The following LMLN variants were observed in gnomAD, a reference collection of about 807,000 sequenced individuals.
The protein encoded by LMLN is leishmanolysin like peptidase.
In LMLN, 70 loss-of-function variants were observed where a neutral mutation model predicts 92.3. The observed-to-expected ratio is 0.76, with a 90% CI of 0.63 to 0.92. LMLN has a LOEUF of 0.92. Among genes scored for constraint, LMLN ranks in the 40% least tolerant of loss-of-function variants. The pLI is 0.00. For synonymous variants in LMLN, 308 were observed against 296.2 expected, an observed-to-expected ratio of 1.04 and a Z score of -0.41; for missense variants, 691 against 814.6, an observed-to-expected ratio of 0.85 and a Z score of 1.85.
At chr3:197,999,149 A>G in intron 10 of LMLN, 117 bp from the exon 11 acceptor site, 1 of 720,224 alleles carries the variant, frequency 1.4e-6, no homozygotes, top group Non-Finnish European at 2.4e-6. Context: ...TTTTAAGTGA[A>G]TGTCTTGTCA....
intron 4 of LMLN, 174 bp from the exon 5 acceptor site, chr3:197,976,418 AAAACCC>A: frequency 1.9e-6 from 1 of 531,032 alleles, no homozygotes; most frequent in Non-Finnish European, 3.4e-6. Context: ...TGGGTGTTTA[AAAACCC>A]AAATCAAGAG....
At chr3:197,979,583 C>A (rs151130725) in intron 5 of LMLN, among the ~76,000 whole-genome samples, 144 of 152,032 alleles carry the variant, frequency 9.5e-4, no homozygotes, top group Admixed American at 1.4e-3. Flanking sequence ...TTTGGGAGGC[C>A]GAGACAGGCC....
intron 1 of LMLN, among the ~76,000 whole-genome samples, chr3:197,962,689 C>A (rs1190303933): frequency 6.6e-6 from 1 of 151,656 alleles, no homozygotes; most frequent in Non-Finnish European, 1.5e-5. Context: ...CTCCTGTGTT[C>A]TAGAAGCCTT....
intron 10 of LMLN, among the ~76,000 whole-genome samples, chr3:197,997,552 T>C (rs1327433799): frequency 6.6e-6 from 1 of 152,256 alleles, no homozygotes; most frequent in Non-Finnish European, 1.5e-5. Context: ...GTGAGAACCA[T>C]ACAGTAAACA....
chr3:198,002,997 G>T lies in LMLN; in HGVS notation c.1232+3655G>T. The T allele has an allele frequency of 1.4e-6, 2 of 1,464,000 alleles. No homozygotes were observed. The highest frequency in any genetic ancestry group is 1.9e-6 in the Non-Finnish European group (2 of 1,072,310). The allele number at this position is 1,464,000 out of a possible 1,614,324, so 90.7% of individuals were successfully genotyped here. On this transcript the variant is annotated intron_variant, in intron 11 of 15. Coordinates refer to ENST00000330198, the Ensembl canonical transcript of LMLN. ...AAAGGACAGCAGTAAAAATTGCTTT[G>T]TTTGAATTATTCCACAGCTGGTATA...
exon 16 of LMLN, chr3:198,040,058 G>T (rs1723357016): frequency 6.6e-6 from 1 of 152,184 alleles, no homozygotes; most frequent in Non-Finnish European, 1.5e-5. Flanking sequence ...AAGATAAAAA[G>T]AAATTCTGGT....
chr3:198,020,577 A>C (rs907184244), intron 12 of LMLN, among the ~76,000 whole-genome samples: 6 of 151,972 alleles, frequency 3.9e-5, no homozygotes, highest in Admixed American at 1.3e-4. Context: ...GTGTGAAAAC[A>C]CATACAATTA....
At chr3:198,014,444 C>G in intron 11 of LMLN, among the ~76,000 whole-genome samples, 1 of 131,118 alleles carries the variant, frequency 7.6e-6, no homozygotes, top group Non-Finnish European at 1.6e-5. Context: ...AGCCCCCTAA[C>G]TAGTCTGACT....
chr3:197,965,344 A>G (rs985745305), intron 1 of LMLN, among the ~76,000 whole-genome samples: 1 of 151,824 alleles, frequency 6.6e-6, no homozygotes, highest in Non-Finnish European at 1.5e-5. Context: ...ATGGTTTAGA[A>G]TATGATCTAT....
intron 1 of LMLN, among the ~76,000 whole-genome samples, chr3:197,965,138 A>G (rs563061185): frequency 6.6e-6 from 1 of 152,028 alleles, no homozygotes; most frequent in South Asian, 2.1e-4. Context: ...CCTCAACCTT[A>G]TGAGGAGCTA....
At chr3:197,996,204 A>G in exon 10 of LMLN, 1 of 1,584,086 alleles carries the variant, frequency 6.3e-7, no homozygotes, top group South Asian at 1.2e-5. Context: ...TTGATTGTCC[A>G]GTTCTAGAGG....
chr3:197,998,747 A>T (rs1722093776), intron 10 of LMLN, among the ~76,000 whole-genome samples: 1 of 152,322 alleles, frequency 6.6e-6, no homozygotes, highest in Non-Finnish European at 1.5e-5. Context: ...AATATTGGGT[A>T]GATGGTAGAG....
exon 1 of LMLN, chr3:197,960,317 C>T: frequency 1.2e-6 from 2 of 1,613,792 alleles, no homozygotes; most frequent in Non-Finnish European, 1.7e-6. Flanking sequence ...GGCGCTGGAG[C>T]GGGTCTGTGT....
intron 10 of LMLN, 60 bp downstream of exon 10, chr3:197,996,342 T>G (rs1722017729): frequency 1.8e-6 from 2 of 1,120,678 alleles, no homozygotes; most frequent in Admixed American, 2.2e-5. Context: ...ATAATTATGG[T>G]AAAACTTATT....
At position 197,976,017 on chromosome 3, in the gene LMLN, A is replaced by G; in HGVS notation, c.349-12A>G. 6.7e-7 allele frequency: 1 copy of G among 1,493,104 alleles called. No individual in the cohort carries two copies. The highest frequency in any genetic ancestry group is 9.2e-7 in the Non-Finnish European group (1 of 1,092,468). The allele number at this position is 1,493,104 out of a possible 1,614,324, so 92.5% of individuals were successfully genotyped here. A position where few individuals can be genotyped will look rare whatever the true frequency, so the allele number is the denominator to read the frequency against. On this transcript the variant is annotated splice_polypyrimidine_tract_variant and intron_variant, in intron 3 of 15. Transcript: ENST00000330198. ...ATAATTCTGTTTCTTTTTTTTTTTA[A>G]CTTTTATTTAGAACAAGCTTTTCCC...
intron 11 of LMLN, among the ~76,000 whole-genome samples, chr3:198,010,539 C>G (rs756452622): frequency 4.6e-5 from 7 of 152,082 alleles, no homozygotes; most frequent in Admixed American, 1.3e-4. Flanking sequence ...CAGCCTTGAC[C>G]TCCTGGGCTC....
At chr3:197,997,072 CTTTCCTTTTCTTTTTCCT>C (rs1722046905) in intron 10 of LMLN, among the ~76,000 whole-genome samples, 1 of 131,496 alleles carries the variant, frequency 7.6e-6, no homozygotes. Flanking sequence ...TTCTCTCTTT[CTTTCCTTTTCTTTTTCCT>C]TTTCCTTTCC....
rs180849606 is a variant in LMLN, at chr3:198,013,327, C to A, written c.1233-5926C>A. Among the ~76,000 whole-genome samples, 707 of 77,746 alleles carry A rather than the reference C, an allele frequency of 9.1e-3. 28 individuals are homozygous for A. Among genetic ancestry groups the A allele is most frequent in the African/African-American group, 0.023 (142 of 6,292 alleles). The allele number at this position is 77,746 out of a possible 152,430, so 51.0% of individuals were successfully genotyped here. A position where few individuals can be genotyped will look rare whatever the true frequency, so the allele number is the denominator to read the frequency against. Reference sequence around the variant, plus strand: ...CTGACTTCTCTCCACCCTTCAGAGCCCCCCAACTAGTCTGACTTCTCTCCA... The same window carrying A: ...CTGACTTCTCTCCACCCTTCAGAGCACCCCAACTAGTCTGACTTCTCTCCA... On this transcript the variant is annotated intron_variant, in intron 11 of 15. Coordinates refer to ENST00000330198, the Ensembl canonical transcript of LMLN.
chr3:198,023,427 G>A (rs1262302021), intron 13 of LMLN, among the ~76,000 whole-genome samples: 1 of 151,948 alleles, frequency 6.6e-6, no homozygotes, highest in Non-Finnish European at 1.5e-5. Flanking sequence ...GGCCTCAAGC[G>A]GTCCTTCCTC....
Sources: gnomAD v4.1 joint callset for allele counts (sites outside exome capture counted in the v4.1 genomes callset) on GRCh38, gnomAD v4.1.1 for gene constraint, MANE v1.5 for transcripts, NCBI Gene and HGNC (gene_info 2026-07-23, HGNC 2026-07-21) for gene names.